The following MAD1L1 variants were observed in gnomAD, a reference collection of about 807,000 sequenced individuals.
The protein encoded by MAD1L1 is mitotic spindle assembly checkpoint protein MAD1.
A neutral mutation model predicts 96.9 loss-of-function variants in MAD1L1; 95 were observed. That is an observed-to-expected ratio of 0.98 (90% CI 0.83 to 1.16). The LOEUF (loss-of-function observed/expected upper bound fraction) is 1.16, where lower values mean the gene tolerates loss of function less well. Among genes scored for constraint, MAD1L1 ranks in the 50% most tolerant of loss-of-function variants. The probability of loss-of-function intolerance (pLI) is 0.00; values close to 1 mark genes in which losing one functional copy is unlikely to be tolerated. For synonymous variants in MAD1L1, 473 were observed against 396.6 expected (o/e 1.19, Z -2.29); for missense variants, 1,007 against 954.4 (o/e 1.06, Z -0.73).
chr7:2,146,570 G>A lies in MAD1L1; in HGVS notation c.1073+2582C>T, dbSNP rs1394573295. 6.6e-6 allele frequency among the ~76,000 whole-genome samples: 1 copy of A among 152,206 alleles called. No individual in the cohort carries two copies. Among genetic ancestry groups the A allele is most frequent in the Admixed American group, 6.5e-5 (1 of 15,282 alleles). On this transcript the variant is annotated intron_variant, in intron 11 of 18. Coordinates refer to ENST00000265854, the MANE Select transcript of MAD1L1 (RefSeq NM_001013836.2). The surrounding 1 kb of genome is among the most constrained non-coding windows in gnomAD (Gnocchi z 6.2). ...CACGTGCCCGCTGGTCCGCACAGAC[G>A]AGGGAAAATGCCCAGCAGCTGCTCT...
intron 10 of MAD1L1, among the ~76,000 whole-genome samples, chr7:2,198,090 T>G (rs78455759): frequency 0.13 from 19,126 of 151,482 alleles, 2,637 homozygotes; most frequent in African/African-American, 0.34. Context: ...TGGGTTTTTT[T>G]TTTTTTTTTT....
At chr7:2,164,603 G>C (rs1213445209) in intron 10 of MAD1L1, among the ~76,000 whole-genome samples, 12 of 146,748 alleles carry the variant, frequency 8.2e-5, no homozygotes, top group Admixed American at 2.0e-4. Flanking sequence ...TGGGGGGGGG[G>C]GGGGTTGCGG....
chr7:2,177,791 C>A (rs1488391357), intron 10 of MAD1L1, among the ~76,000 whole-genome samples: 1 of 152,200 alleles, frequency 6.6e-6, no homozygotes, highest in South Asian at 2.1e-4. Context: ...TGCCTGAAAG[C>A]TCGGGATAAA....
intron 15 of MAD1L1, among the ~76,000 whole-genome samples, chr7:1,963,554 G>T (rs959278920): frequency 6.6e-6 from 1 of 152,180 alleles, no homozygotes; most frequent in Non-Finnish European, 1.5e-5. Context: ...ACTTGACATC[G>T]CGCAGCTTAC....
At chr7:2,165,615 G>A (rs561433261) in intron 10 of MAD1L1, among the ~76,000 whole-genome samples, 15 of 137,176 alleles carry the variant, frequency 1.1e-4, no homozygotes, top group Non-Finnish European at 1.6e-4. Context: ...ACTCTGCGCC[G>A]TGTTTCACTA....
chr7:2,037,677 G>T (rs1375280430), intron 12 of MAD1L1, among the ~76,000 whole-genome samples: 2 of 152,068 alleles, frequency 1.3e-5, no homozygotes, highest in African/African-American at 4.8e-5. Flanking sequence ...TGCTGTCATT[G>T]ATTCTGGGAC....
At chr7:2,097,297 A>T (rs754910736) in intron 11 of MAD1L1, among the ~76,000 whole-genome samples, 4 of 152,186 alleles carry the variant, frequency 2.6e-5, no homozygotes, top group African/African-American at 9.6e-5. Flanking sequence ...GACACACAAG[A>T]GGAGATGACC....
intron 15 of MAD1L1, among the ~76,000 whole-genome samples, chr7:1,978,149 C>T (rs1021348902): frequency 1.3e-5 from 2 of 152,256 alleles, no homozygotes; most frequent in South Asian, 4.1e-4. Flanking sequence ...CCCAGCTCCC[C>T]CTCTCACTGC....
chr7:2,225,671 T>A, intron 3 of MAD1L1, 121 bp from the exon 4 acceptor site: 1 of 1,114,638 alleles, frequency 9.0e-7, no homozygotes, highest in Non-Finnish European at 1.3e-6. Context: ...GTGCTAAGTC[T>A]TGATGTGGCC....
chr7:1,927,196 C>A (rs537561229), intron 17 of MAD1L1, among the ~76,000 whole-genome samples: 6 of 151,548 alleles, frequency 4.0e-5, no homozygotes, highest in African/African-American at 1.5e-4. Flanking sequence ...TGGGTGGGTA[C>A]GGTGAAAACC....
chr7:1,883,989 G>A (rs1357421514), intron 18 of MAD1L1, among the ~76,000 whole-genome samples: 3 of 152,186 alleles, frequency 2.0e-5, no homozygotes, highest in Non-Finnish European at 4.4e-5. Flanking sequence ...CAGGCCCCGC[G>A]CTGCACAGTG....
In MAD1L1 at chr7:1,905,276, G is replaced by A. The variant is rs563253504; in HGVS notation, c.1808-6886C>T. Among the ~76,000 whole-genome samples, 42 of 90,156 alleles carry A rather than the reference G, an allele frequency of 4.7e-4. 9 individuals are homozygous for A. The highest frequency in any genetic ancestry group is 1.3e-3 in the African/African-American group (35 of 26,562). The allele number at this position is 90,156 out of a possible 152,430, so 59.1% of individuals were successfully genotyped here. Reference sequence around the variant, plus strand: ...AGTGGCCTACGGAAGACGCTCTTGCGGAACTCATGATTGATAAAGCACTGT... The same window carrying A: ...AGTGGCCTACGGAAGACGCTCTTGCAGAACTCATGATTGATAAAGCACTGT... On this transcript the variant is annotated intron_variant, in intron 17 of 18. Transcript: ENST00000265854.
At chr7:1,969,965 A>G (rs1780332114) in intron 15 of MAD1L1, among the ~76,000 whole-genome samples, 2 of 152,218 alleles carry the variant, frequency 1.3e-5, no homozygotes, top group African/African-American at 2.4e-5. Flanking sequence ...AAGAACCACC[A>G]CCAGGGAGAC....
intron 2 of MAD1L1, 144 bp downstream of exon 2, chr7:2,230,405 G>A (rs1347651674): frequency 8.0e-6 from 3 of 375,436 alleles, no homozygotes; most frequent in South Asian, 6.3e-5. Flanking sequence ...TGGACAGATG[G>A]ACAGCTGGCG....
intron 12 of MAD1L1, among the ~76,000 whole-genome samples, chr7:2,064,638 GGGAGGACAGAGGCTTCTCCTA>G (rs1210647095): frequency 6.6e-6 from 1 of 150,750 alleles, no homozygotes; most frequent in African/African-American, 2.4e-5. Context: ...GGCTTCTCCT[GGGAGGACAGAGGCTTCTCCTA>G]GGAGGACAGT....
chr7:2,134,594 A>C (rs1788666121), intron 11 of MAD1L1, among the ~76,000 whole-genome samples: 1 of 152,230 alleles, frequency 6.6e-6, no homozygotes, highest in Admixed American at 6.5e-5. Context: ...TTTAAGACGG[A>C]AATAGTTGAC....
At chr7:2,223,937 G>C (rs185298053) in intron 4 of MAD1L1, among the ~76,000 whole-genome samples, 1 of 152,146 alleles carries the variant, frequency 6.6e-6, no homozygotes, top group Non-Finnish European at 1.5e-5. Context: ...CTGTGTCTGC[G>C]GGCAAGGAAG....
chr7:2,125,074 C>G (rs1026586476), intron 11 of MAD1L1, among the ~76,000 whole-genome samples: 1 of 152,212 alleles, frequency 6.6e-6, no homozygotes, highest in Non-Finnish European at 1.5e-5. Context: ...CCGGTCCTCA[C>G]AGCGACCCCA....
intron 12 of MAD1L1, among the ~76,000 whole-genome samples, chr7:2,068,629 A>C (rs1784988824): frequency 3.3e-5 from 5 of 152,102 alleles, no homozygotes; most frequent in Admixed American, 3.3e-4. Context: ...TGTCTTCTGA[A>C]ATTTCAGTGC....
Sources: allele counts gnomAD v4.1 joint callset (sites outside exome capture counted in the v4.1 genomes callset), GRCh38; gene constraint gnomAD v4.1.1; non-coding constraint Gnocchi (gnomAD v3.1); transcripts MANE v1.5; gene names NCBI Gene and HGNC (gene_info 2026-07-23, HGNC 2026-07-21).